LETM2: variants seen among roughly 807,000 people sequenced by gnomAD.
The protein encoded by LETM2 is leucine zipper and EF-hand containing transmembrane protein 2, also known as LETM1 domain-containing protein LETM2, mitochondrial.
Under a neutral mutation model 59.6 loss-of-function variants are expected in LETM2, and 58 were observed. That is an observed-to-expected ratio of 0.97 (90% CI 0.79 to 1.21). The LOEUF is 1.21. Among genes scored for constraint, LETM2 ranks in the 50% most tolerant of loss-of-function variants. The pLI, the probability that LETM2 is intolerant of heterozygous loss-of-function variation, is 0.00. For synonymous variants in LETM2, 199 were observed against 214.1 expected, an observed-to-expected ratio of 0.93 and a Z score of 0.62; for missense variants, 572 against 575.7, an observed-to-expected ratio of 0.99 and a Z score of 0.07.
chr8:38,396,016 T>A (rs1348687571), intron 4 of LETM2, among the ~76,000 whole-genome samples: 1 of 152,222 alleles, frequency 6.6e-6, no homozygotes, highest in Admixed American at 6.5e-5. Flanking sequence ...TTATCAATTT[T>A]TTCTTTCATG....
At position 38,392,733 on chromosome 8, in the gene LETM2, C is replaced by T. The variant is rs376807655; in HGVS notation, c.239C>T (p.Ser80Phe). Residue 80 changes from serine (S) to phenylalanine (F), a missense_variant, in exon 3 of 11, where the codon TCC (serine) becomes TTC (phenylalanine). Physicochemically the swap from Ser to Phe is radical, Grantham distance 155 (BLOSUM62 -2). Coordinates refer to ENST00000379957, the MANE Select transcript of LETM2 (RefSeq NM_001286819.2). ...AGACTAATACAAAAGCTACACACATCCACTTGCTGGCTGCAAGAAGTTCCT... is the reference window on the plus strand; with the variant it reads ...AGACTAATACAAAAGCTACACACATTCACTTGCTGGCTGCAAGAAGTTCCT... Reference protein sequence around the residue: ...GTRLIQKLHTSTCWLQEVPGK... With the variant: ...GTRLIQKLHTFTCWLQEVPGK... 2 of 1,614,070 alleles carry T rather than the reference C, an allele frequency of 1.2e-6. No individual in the cohort carries two copies. Among genetic ancestry groups the T allele is most frequent in the African/African-American group, 2.7e-5 (2 of 74,936 alleles).
intron 7 of LETM2, among the ~76,000 whole-genome samples, chr8:38,404,114 A>C (rs530405131): frequency 6.6e-6 from 1 of 152,330 alleles, no homozygotes; most frequent in South Asian, 2.1e-4. Flanking sequence ...CCAACAGAAG[A>C]TACTTGACTA....
At chr8:38,403,583 AAAG>A (rs1316015844) in intron 7 of LETM2, among the ~76,000 whole-genome samples, 2 of 152,254 alleles carry the variant, frequency 1.3e-5, no homozygotes, top group African/African-American at 4.8e-5. Context: ...GCTTTAAAAC[AAAG>A]GAGTAACTCC....
In LETM2 at chr8:38,393,013, T is replaced by C. The variant is rs201242820; in HGVS notation, c.501+18T>C. ...GACGAAGGGTAGGCAAGAATCATAT[T>C]TGAGAAAGAAAATGTGAAATTAAAA... On this transcript the variant is annotated intron_variant, in intron 3 of 10. Coordinates refer to ENST00000379957, the MANE Select transcript of LETM2 (RefSeq NM_001286819.2). 1.2e-4 allele frequency: 190 copies of C among 1,550,250 alleles called. No individual in the cohort carries two copies. The highest frequency in any genetic ancestry group is 1.5e-4 in the Non-Finnish European group (173 of 1,150,684).
chr8:38,383,517 T>G (rs1252763786), upstream of LETM2: 1 of 152,186 alleles, frequency 6.6e-6, no homozygotes, highest in South Asian at 2.1e-4. Context: ...AAATTAGATA[T>G]CTCTATCTTT....
chr8:38,393,043 C>G (rs893201503), intron 3 of LETM2, 48 bp downstream of exon 3: 2 of 1,449,710 alleles, frequency 1.4e-6, no homozygotes. Context: ...TTAAAATGAA[C>G]TATTTGGGAA....
intron 7 of LETM2, among the ~76,000 whole-genome samples, chr8:38,402,970 T>C (rs892150846): frequency 2.6e-5 from 4 of 152,094 alleles, no homozygotes; most frequent in African/African-American, 9.7e-5. Context: ...TCATTCAGTT[T>C]GTTGGCTGAA....
In LETM2 at chr8:38,403,962, G is replaced by A. The variant is rs561989492; in HGVS notation, c.1105-431G>A. On this transcript the variant is annotated intron_variant, in intron 7 of 10. Coordinates refer to ENST00000379957, the MANE Select transcript of LETM2 (RefSeq NM_001286819.2). ...CAGCCTCAAACTCCCGGGCTCAAGCGATCCTCCCACCTCAGCCTTCCTAGC... is the reference window on the plus strand; with the variant it reads ...CAGCCTCAAACTCCCGGGCTCAAGCAATCCTCCCACCTCAGCCTTCCTAGC... Among the ~76,000 whole-genome samples, 329 of 152,226 alleles carry A rather than the reference G, an allele frequency of 2.2e-3. 6 individuals are homozygous for A. Among genetic ancestry groups the A allele is most frequent in the Middle Eastern group, 0.01 (3 of 294 alleles).
At chr8:38,395,222 T>A (rs190124850) in intron 4 of LETM2, among the ~76,000 whole-genome samples, 43 of 152,342 alleles carry the variant, frequency 2.8e-4, no homozygotes, top group Admixed American at 2.8e-3. Context: ...AGCTTTCAAC[T>A]CATTGGGGTA....
intron 1 of LETM2, 125 bp from the exon 2 acceptor site, chr8:38,387,825 G>A: frequency 1.8e-6 from 1 of 554,376 alleles, no homozygotes; most frequent in Non-Finnish European, 3.2e-6. Context: ...GAGCTTGAAG[G>A]AGGTTTTGTA....
chr8:38,406,596 T>G (rs1002897049), intron 8 of LETM2: 1 of 177,264 alleles, frequency 5.6e-6, no homozygotes, highest in Non-Finnish European at 1.2e-5. Flanking sequence ...AGAGTGAGAC[T>G]CCATCTCCAA....
At chr8:38,389,878 A>C (rs1252844459) in intron 2 of LETM2, among the ~76,000 whole-genome samples, 1 of 151,884 alleles carries the variant, frequency 6.6e-6, no homozygotes, top group Non-Finnish European at 1.5e-5. Context: ...ATGCAGCTGT[A>C]GTCCCAGCTA....
intron 4 of LETM2, 167 bp downstream of exon 4, chr8:38,394,408 A>T (rs1812525247): frequency 2.2e-6 from 1 of 446,738 alleles, no homozygotes; most frequent in Admixed American, 3.9e-5. Context: ...TGATTAAAAA[A>T]ACCAATATTG....
intron 10 of LETM2, chr8:38,407,956 C>A: frequency 4.3e-6 from 2 of 461,986 alleles, no homozygotes; most frequent in Middle Eastern, 6.3e-4. Context: ...GAAGTGGCTC[C>A]TGTGGACCAA....
chr8:38,401,100 A>T, intron 6 of LETM2, 47 bp downstream of exon 6: 1 of 1,484,266 alleles, frequency 6.7e-7, no homozygotes, highest in Non-Finnish European at 9.4e-7. Flanking sequence ...GTTTTGGGAC[A>T]TACCTTAGGG....
Position 38,397,692 on chromosome 8 carries a change from G to A in LETM2, c.646-2580G>A, listed in dbSNP as rs370162052. 9.8e-5 allele frequency among the ~76,000 whole-genome samples: 15 copies of A among 152,310 alleles called. No individual in the cohort carries two copies. In the South Asian group the frequency reaches 3.1e-3, roughly 32 times the overall value. On this transcript the variant is annotated intron_variant, in intron 4 of 10. Coordinates refer to ENST00000379957, the MANE Select transcript of LETM2 (RefSeq NM_001286819.2). The stretch of plus-strand genomic sequence containing the variant: ...GAAAGGGAACGTTTGAAGCAGGGTA[G>A]CTGGGTGGATGACATGATTAGATCT...
Position 38,392,545 on chromosome 8 carries a change from C to T in LETM2, c.51C>T (p.Phe17=), listed in dbSNP as rs754025929. The T allele has an allele frequency of 6.3e-7, 1 of 1,599,484 alleles. No homozygotes were observed. Among genetic ancestry groups the T allele is most frequent in the African/African-American group, 1.3e-5 (1 of 74,780 alleles). Residue 17 remains phenylalanine, a synonymous_variant, in exon 3 of 11, where the codon TTC becomes TTT. Transcript: ENST00000379957. ...AGGATGTTGCTTTTTATTCCAGATT[C>T]CCTAGCCATTTTGTCCATCCTACCT... ...NSVLAIARTR[F]PSHFVHPTCS... is the part of the protein sequence containing the mutation.
chr8:38,387,020 G>T (rs1188997400), intron 1 of LETM2: 1 of 152,342 alleles, frequency 6.6e-6, no homozygotes, highest in African/African-American at 2.4e-5. Context: ...TTTTGCTCCC[G>T]TGTGGTGATG....
At chr8:38,392,403 C>A in intron 2 of LETM2, 139 bp from the exon 3 acceptor site, 1 of 621,654 alleles carries the variant, frequency 1.6e-6, no homozygotes. Flanking sequence ...CCAGCCTGGG[C>A]AATGGGAGTG....
Sources: allele counts gnomAD v4.1 joint callset (sites outside exome capture counted in the v4.1 genomes callset), GRCh38; gene constraint gnomAD v4.1.1; transcripts MANE v1.5; gene names NCBI Gene and HGNC (gene_info 2026-07-23, HGNC 2026-07-21).